CGNL1: variants seen among roughly 807,000 people sequenced by gnomAD.
CGNL1 encodes the protein cingulin-like protein 1.
In CGNL1, 132 loss-of-function variants were observed where a neutral mutation model predicts 141.2. That is an observed-to-expected ratio of 0.93 (90% confidence interval 0.81 to 1.08). The LOEUF is 1.08. Ranked by LOEUF, CGNL1 falls within the 50% of genes least tolerant of loss-of-function variation. CGNL1 has a pLI of 0.00. For missense variants in CGNL1, 1,870 were observed against 1,588.6 expected, an observed-to-expected ratio of 1.18 and a Z score of -3.01; for synonymous variants, 690 against 622.1, an observed-to-expected ratio of 1.11 and a Z score of -1.63.
chr15:57,382,070 C>T (rs1364693111), intron 1 of CGNL1, among the ~76,000 whole-genome samples: 2 of 152,236 alleles, frequency 1.3e-5, no homozygotes, highest in South Asian at 4.2e-4. Context: ...CAAAATTCAG[C>T]GTTGGGCATT....
intron 5 of CGNL1, among the ~76,000 whole-genome samples, chr15:57,451,904 A>T (rs2063326833): frequency 6.6e-6 from 1 of 152,232 alleles, no homozygotes; most frequent in African/African-American, 2.4e-5. Context: ...TCATAGAAAT[A>T]GCAGAATGAG....
chr15:57,397,651 A>G (rs2062616631), intron 1 of CGNL1, among the ~76,000 whole-genome samples: 1 of 152,166 alleles, frequency 6.6e-6, no homozygotes, highest in Non-Finnish European at 1.5e-5. Context: ...TTTTAATTGT[A>G]GGGTATAGAT....
intron 8 of CGNL1, among the ~76,000 whole-genome samples, chr15:57,477,868 CCTG>C (rs1327389896): frequency 1.3e-5 from 2 of 152,166 alleles, no homozygotes; most frequent in Admixed American, 6.5e-5. Flanking sequence ...CCATGCCCCT[CCTG>C]CTGCTGAACT....
chr15:57,468,559 CGTGTGTGTGTGT>C (rs67758921), intron 8 of CGNL1, among the ~76,000 whole-genome samples: 6 of 145,954 alleles, frequency 4.1e-5, no homozygotes, highest in Admixed American at 6.8e-5. Context: ...AAAAAGTTTG[CGTGTGTGTGTGT>C]GTGTGTGTGT....
intron 14 of CGNL1, among the ~76,000 whole-genome samples, chr15:57,532,627 C>T (rs1233273729): frequency 2.0e-5 from 3 of 152,200 alleles, no homozygotes; most frequent in Non-Finnish European, 2.9e-5. Context: ...TCCAAAACTG[C>T]AAAAAGCATT....
chr15:57,527,857 C>T (rs1214758098), intron 12 of CGNL1, among the ~76,000 whole-genome samples: 1 of 152,186 alleles, frequency 6.6e-6, no homozygotes, highest in Non-Finnish European at 1.5e-5. Flanking sequence ...TGAGTTGAAA[C>T]CTCTTTTGAG....
chr15:57,528,538 T>C (rs1439837066), intron 12 of CGNL1, 116 bp from the exon 13 acceptor site: 1 of 993,894 alleles, frequency 1.0e-6, no homozygotes, highest in Non-Finnish European at 1.5e-6. Flanking sequence ...TGATCTCCCA[T>C]ATTGTGGGAG....
At chr15:57,466,792 CTTGT>C (rs528959687) in intron 8 of CGNL1, among the ~76,000 whole-genome samples, 54 of 152,146 alleles carry the variant, frequency 3.5e-4, no homozygotes, top group Non-Finnish European at 6.3e-4. Flanking sequence ...ATGAACAAAT[CTTGT>C]TTGTTAGGAG....
chr15:57,396,669 G>A (rs749933364), intron 1 of CGNL1, among the ~76,000 whole-genome samples: 5 of 152,140 alleles, frequency 3.3e-5, no homozygotes, highest in Admixed American at 6.5e-5. Context: ...GTGTGGAGCT[G>A]TATTCTATAC....
intron 8 of CGNL1, among the ~76,000 whole-genome samples, chr15:57,491,377 A>G (rs2063860481): frequency 6.6e-6 from 1 of 152,190 alleles, no homozygotes; most frequent in Non-Finnish European, 1.5e-5. Flanking sequence ...TCCTTCCCAC[A>G]GTGCCACTGC....
intron 4 of CGNL1, 148 bp downstream of exon 4, chr15:57,442,626 C>T (rs765721145): frequency 3.9e-5 from 21 of 536,400 alleles, no homozygotes; most frequent in Non-Finnish European, 6.4e-5. Context: ...TTACATGTTG[C>T]AGCAACATTT....
At chr15:57,543,808 C>G (rs976887203) in intron 15 of CGNL1, 29 bp downstream of exon 15, 3 of 1,544,128 alleles carry the variant, frequency 1.9e-6, no homozygotes, top group Non-Finnish European at 2.7e-6. Context: ...TGAGCTGCCC[C>G]CCCGTCCATC....
intron 1 of CGNL1, among the ~76,000 whole-genome samples, chr15:57,422,095 TTA>T (rs1267734282): frequency 9.7e-6 from 1 of 103,118 alleles, no homozygotes; most frequent in Non-Finnish European, 1.9e-5. Context: ...GCCCTGTCAT[TTA>T]TATGGGTGAT....
At chr15:57,414,491 C>G (rs1258486096) in intron 1 of CGNL1, among the ~76,000 whole-genome samples, 1 of 152,158 alleles carries the variant, frequency 6.6e-6, no homozygotes, top group East Asian at 1.9e-4. Flanking sequence ...AAGAGACAGA[C>G]TTTTGAGATA....
In CGNL1 at chr15:57,524,605, C is replaced by G; in HGVS notation, c.2893C>G (p.Arg965Gly). The change falls in exon 12 of 19, where the codon CGT (arginine) becomes GGT (glycine). Residue 965 changes from arginine (R) to glycine (G), a missense_variant. By Grantham distance (125) the Arg-to-Gly change is moderately radical (BLOSUM62 -2). Coordinates refer to ENST00000281282, the MANE Select transcript of CGNL1 (RefSeq NM_032866.5). Reference sequence around the variant, plus strand: ...GATGGCAGACATTGTTGAGGCCTCCCGTACCTCAACCCTGGAGCTCCAGAA... The same window carrying G: ...GATGGCAGACATTGTTGAGGCCTCCGGTACCTCAACCCTGGAGCTCCAGAA... ...KEMADIVEAS[R>G]TSTLELQNQL... 1.2e-6 allele frequency: 2 copies of G among 1,613,696 alleles called. No individual in the cohort carries two copies. The highest frequency in any genetic ancestry group is 1.7e-6 in the Non-Finnish European group (2 of 1,179,878).
At chr15:57,463,303 G>A (rs542828476) in intron 8 of CGNL1, among the ~76,000 whole-genome samples, 7 of 152,158 alleles carry the variant, frequency 4.6e-5, no homozygotes, top group Non-Finnish European at 7.3e-5. Flanking sequence ...ATACATGGTA[G>A]GTGAAAGGAT....
chr15:57,430,784 A>G (rs1352187082), intron 1 of CGNL1, among the ~76,000 whole-genome samples: 2 of 152,118 alleles, frequency 1.3e-5, no homozygotes, highest in African/African-American at 4.8e-5. Flanking sequence ...CAGTGGTGCA[A>G]TCTTGGCTCA....
intron 13 of CGNL1, among the ~76,000 whole-genome samples, chr15:57,530,108 T>C (rs1467962603): frequency 1.3e-5 from 2 of 152,242 alleles, no homozygotes; most frequent in African/African-American, 4.8e-5. Context: ...GAAGAACCTT[T>C]GGAGTAATGG....
At position 57,450,489 on chromosome 15, in the gene CGNL1, C is replaced by T. The variant is rs1478249018; in HGVS notation, c.1804-1011C>T. ...ATGGGGTTTCACCACGTTGGCCAGGCTGGTCTCAGACTCCTGACCTCAGGT... is the reference window on the plus strand; with the variant it reads ...ATGGGGTTTCACCACGTTGGCCAGGTTGGTCTCAGACTCCTGACCTCAGGT... On this transcript the variant is annotated intron_variant, in intron 4 of 18. Transcript: ENST00000281282. 3.3e-5 allele frequency among the ~76,000 whole-genome samples: 5 copies of T among 152,334 alleles called. No homozygotes were observed. The East Asian group carries it at 9.7e-4, about 29-fold the overall frequency.
Sources: gnomAD v4.1 joint callset for allele counts (sites outside exome capture counted in the v4.1 genomes callset) on GRCh38, gnomAD v4.1.1 for gene constraint, MANE v1.5 for transcripts, NCBI Gene and HGNC (gene_info 2026-07-23, HGNC 2026-07-21) for gene names.